SHC3: variants seen among roughly 807,000 people sequenced by gnomAD.
SHC3 encodes SHC-transforming protein 3.
A neutral mutation model predicts 60.4 loss-of-function variants in SHC3; 15 were observed. The ratio of observed to expected loss-of-function variants is 0.25; its 90% CI spans 0.17 to 0.38. The LOEUF is 0.38. Ranked by LOEUF, SHC3 falls within the 10% of genes least tolerant of loss-of-function variation. The pLI is 1.00. For missense variants in SHC3, 677 were observed against 786.1 expected, an observed-to-expected ratio of 0.86 and a Z score of 1.66; for synonymous variants, 294 against 325.9, an observed-to-expected ratio of 0.90 and a Z score of 1.05.
At chr9:89,095,479 T>C (rs1344262321) in intron 2 of SHC3, among the ~76,000 whole-genome samples, 1 of 152,114 alleles carries the variant, frequency 6.6e-6, no homozygotes, top group African/African-American at 2.4e-5. Flanking sequence ...AGTTGTTGTC[T>C]AATGGGGACA....
chr9:89,105,220 G>A (rs554650432), intron 2 of SHC3, among the ~76,000 whole-genome samples: 5 of 152,260 alleles, frequency 3.3e-5, no homozygotes, highest in Admixed American at 3.3e-4. Context: ...CTTTCTGAAG[G>A]ATGTGAGCCC....
chr9:89,089,750 G>C (rs779712061), intron 2 of SHC3, among the ~76,000 whole-genome samples: 1 of 152,220 alleles, frequency 6.6e-6, no homozygotes, highest in Non-Finnish European at 1.5e-5. Flanking sequence ...CTTCTTGGGG[G>C]CATGAGGATG....
In SHC3 at chr9:89,132,890, A is replaced by G. The variant is rs944613287; in HGVS notation, c.475-20264T>C. Among the ~76,000 whole-genome samples, 17 of 152,316 alleles carry G rather than the reference A, an allele frequency of 1.1e-4. 1 individual carries two copies. Among genetic ancestry groups the G allele is most frequent in the African/African-American group, 3.9e-4 (16 of 41,558 alleles). On this transcript the variant is annotated intron_variant, in intron 1 of 11. Coordinates refer to ENST00000375835, the MANE Select transcript of SHC3 (RefSeq NM_016848.6). ...TAAAACACCAAAAGCAATGGCAACAAAAGCCAAAATAGACAAATGGGATCT... is the reference window on the plus strand; with the variant it reads ...TAAAACACCAAAAGCAATGGCAACAGAAGCCAAAATAGACAAATGGGATCT...
At chr9:89,051,512 C>T (rs1025913181) in intron 7 of SHC3, among the ~76,000 whole-genome samples, 2 of 152,182 alleles carry the variant, frequency 1.3e-5, no homozygotes, top group Non-Finnish European at 2.9e-5. Flanking sequence ...TGCTGAGACT[C>T]AAGGAGTTTA....
At chr9:89,128,019 TG>T (rs761477943) in intron 1 of SHC3, among the ~76,000 whole-genome samples, 2 of 152,106 alleles carry the variant, frequency 1.3e-5, no homozygotes, top group African/African-American at 2.4e-5. Context: ...ATACAACCAC[TG>T]GATCTTCTTC....
Position 89,112,548 on chromosome 9 carries a change from G to C in SHC3, c.545+8C>G. On this transcript the variant is annotated splice_region_variant and intron_variant, in intron 2 of 11. Coordinates refer to ENST00000375835, the MANE Select transcript of SHC3 (RefSeq NM_016848.6). ...AAATCACAGGAGTCCATTTTCAAGA[G>C]GGCTTACCTGGTAATTTGTGTTCTT... is the stretch of plus-strand genomic sequence containing the variant. 6.2e-7 allele frequency: 1 copy of C among 1,606,184 alleles called. No homozygotes were observed. The highest frequency in any genetic ancestry group is 8.5e-7 in the Non-Finnish European group (1 of 1,177,130).
intron 2 of SHC3, among the ~76,000 whole-genome samples, chr9:89,111,894 C>T (rs887909555): frequency 6.6e-6 from 1 of 152,194 alleles, no homozygotes; most frequent in Non-Finnish European, 1.5e-5. Flanking sequence ...AGACTCTGTC[C>T]TAGCTTTCCA....
At chr9:89,054,479 C>T (rs1221905614) in intron 6 of SHC3, among the ~76,000 whole-genome samples, 1 of 152,218 alleles carries the variant, frequency 6.6e-6, no homozygotes, top group Non-Finnish European at 1.5e-5. Context: ...GACTTTGTCT[C>T]TCTGGGCCTG....
At chr9:89,117,738 T>C (rs956012731) in intron 1 of SHC3, among the ~76,000 whole-genome samples, 1 of 152,182 alleles carries the variant, frequency 6.6e-6, no homozygotes, top group Non-Finnish European at 1.5e-5. Flanking sequence ...ATTCTCCTTT[T>C]ATTTTAATAA....
At chr9:89,171,265 C>A (rs1256027547) in intron 1 of SHC3, among the ~76,000 whole-genome samples, 1 of 150,638 alleles carries the variant, frequency 6.6e-6, no homozygotes, top group Non-Finnish European at 1.5e-5. Flanking sequence ...CAGAAAGTTT[C>A]TATTTGGGCA....
At chr9:89,022,077 A>G (rs1288680494) in intron 11 of SHC3, among the ~76,000 whole-genome samples, 1 of 152,190 alleles carries the variant, frequency 6.6e-6, no homozygotes, top group Non-Finnish European at 1.5e-5. Context: ...CTGGTCCTCC[A>G]GCAAACAGAA....
chr9:89,124,280 C>T (rs1291101392), intron 1 of SHC3, among the ~76,000 whole-genome samples: 1 of 152,178 alleles, frequency 6.6e-6, no homozygotes, highest in South Asian at 2.1e-4. Flanking sequence ...AAGAGTGTGG[C>T]GATTCCTCAA....
chr9:89,157,508 T>A (rs758958405), intron 1 of SHC3, among the ~76,000 whole-genome samples: 3 of 152,268 alleles, frequency 2.0e-5, no homozygotes, highest in Non-Finnish European at 4.4e-5. Flanking sequence ...AATTGTAAGA[T>A]AAATTTCTGT....
intron 1 of SHC3, among the ~76,000 whole-genome samples, chr9:89,116,623 A>C (rs1826022689): frequency 6.6e-6 from 1 of 152,178 alleles, no homozygotes. Flanking sequence ...CAATTCCAAC[A>C]CTCAGAGTTA....
chr9:89,126,102 A>T (rs1826160640), intron 1 of SHC3, among the ~76,000 whole-genome samples: 1 of 152,030 alleles, frequency 6.6e-6, no homozygotes, highest in Non-Finnish European at 1.5e-5. Context: ...TACTAAAGAG[A>T]CCCCTAACCC....
chr9:89,050,064 T>TG (rs1228807767), intron 7 of SHC3, among the ~76,000 whole-genome samples: 3 of 152,250 alleles, frequency 2.0e-5, no homozygotes, highest in Non-Finnish European at 2.9e-5. Flanking sequence ...TTACGTTGGA[T>TG]GGATACATAG....
chr9:89,177,990 G>T lies in SHC3; in HGVS notation c.471C>A (p.Val157=). Reference sequence around the variant, plus strand: ...GGCGGCCCGCGCCCGCACCCACCTTGACCACGTAGGTGACTCCGGGCCCCA... The same window carrying T: ...GGCGGCCCGCGCCCGCACCCACCTTTACCACGTAGGTGACTCCGGGCCCCA... ...QVLGPGVTYV[V]KYLGCIEVLR... The change falls in exon 1 of 12, where the codon GTC becomes GTA. Residue 157 remains valine (V), a synonymous_variant. Transcript: ENST00000375835. 8.1e-7 allele frequency: 1 copy of T among 1,229,266 alleles called. No individual in the cohort carries two copies. Among genetic ancestry groups the T allele is most frequent in the South Asian group, 3.9e-5 (1 of 25,372 alleles). 76.1% of individuals were successfully genotyped at this position (1,229,266 alleles called of 1,614,324 possible). A position where few individuals can be genotyped will look rare whatever the true frequency, so the allele number is the denominator to read the frequency against.
At chr9:89,074,640 C>T (rs566024351) in intron 4 of SHC3, among the ~76,000 whole-genome samples, 1 of 149,192 alleles carries the variant, frequency 6.7e-6, no homozygotes, top group African/African-American at 2.5e-5. Flanking sequence ...TTCTTATTAC[C>T]CCTACAACAC....
chr9:89,030,968 T>G (rs994264788), intron 11 of SHC3, among the ~76,000 whole-genome samples: 30 of 152,162 alleles, frequency 2.0e-4, no homozygotes, highest in African/African-American at 7.2e-4. Flanking sequence ...TGGAGAGCAG[T>G]TGTATGATCA....
Sources: gnomAD v4.1 joint callset for allele counts (sites outside exome capture counted in the v4.1 genomes callset) on GRCh38, gnomAD v4.1.1 for gene constraint, MANE v1.5 for transcripts, NCBI Gene and HGNC (gene_info 2026-07-23, HGNC 2026-07-21) for gene names.